The following TNFSF14 variants were observed in gnomAD, a reference collection of about 807,000 sequenced individuals.
The protein encoded by TNFSF14 is tumor necrosis factor ligand superfamily member 14.
TNFSF14 carries 15 observed loss-of-function variants against 22.7 expected under a neutral mutation model. The observed-to-expected ratio is 0.66, with a 90% CI of 0.44 to 1.02. The LOEUF is 1.02. Among genes scored for constraint, TNFSF14 ranks in the 50% least tolerant of loss-of-function variants. The pLI is 0.00. For missense variants in TNFSF14, 287 were observed against 326.2 expected (o/e 0.88, Z 0.93); for synonymous variants, 133 against 139.6 (o/e 0.95, Z 0.33).
chr19:6,667,500 C>T, intron 1 of TNFSF14, 51 bp from the exon 2 acceptor site: 4 of 1,559,426 alleles, frequency 2.6e-6, no homozygotes, highest in Non-Finnish European at 3.4e-6. Context: ...GGGGCCACGC[C>T]CTCGCATTGC....
intron 3 of TNFSF14, among the ~76,000 whole-genome samples, chr19:6,665,612 T>C (rs1323980558): frequency 6.6e-6 from 1 of 152,166 alleles, no homozygotes; most frequent in Non-Finnish European, 1.5e-5. Flanking sequence ...TTTTGCCATG[T>C]TGCTGAGGCT....
intron 1 of TNFSF14, among the ~76,000 whole-genome samples, chr19:6,669,349 G>A (rs1481678280): frequency 1.3e-5 from 2 of 152,148 alleles, no homozygotes; most frequent in African/African-American, 2.4e-5. Flanking sequence ...CAGGCGTGGT[G>A]GCGCATGCCT....
chr19:6,667,482 C>T (rs1338385137), intron 1 of TNFSF14, 33 bp from the exon 2 acceptor site: 5 of 1,570,982 alleles, frequency 3.2e-6, no homozygotes, highest in Non-Finnish European at 4.3e-6. Context: ...CGGTAAGAAC[C>T]TGCAGCGGGG....
At position 6,665,271 on chromosome 19, in the gene TNFSF14, G is replaced by A. The variant is rs139591896; in HGVS notation, c.378C>T (p.Leu126=). 2.5e-6 allele frequency: 4 copies of A among 1,613,566 alleles called. No individual in the cohort carries two copies. In the African/African-American group the frequency reaches 4.0e-5, roughly 16 times the overall value. Residue 126 remains leucine, a synonymous_variant, in exon 4 of 4, where the codon CTC becomes CTT. Coordinates refer to ENST00000675206, the MANE Select transcript of TNFSF14 (RefSeq NM_001376887.1). ...CCACAAGGGCCCCATCGTGGTAGCT[G>A]AGGCCCCTCAGGAAGGCCAGGCCCA... ...TQLGLAFLRG[L]SYHDGALVVT...
Position 6,664,848 on chromosome 19 carries a change from G to C in TNFSF14, c.*78C>G. ...AGCCACCACGCCCAGCCTCTGCTTCGTGAGTTTTCTTTCCCCTGAGGCACC... is the reference window on the plus strand; with the variant it reads ...AGCCACCACGCCCAGCCTCTGCTTCCTGAGTTTTCTTTCCCCTGAGGCACC... On this transcript the variant is annotated 3_prime_UTR_variant, in exon 4 of 4. Transcript: ENST00000675206. This position sits in a 1 kb window ranked among gnomAD's most constrained non-coding sequence, Gnocchi z 4.7. 6.7e-7 allele frequency: 1 copy of C among 1,497,652 alleles called. No homozygotes were observed. The allele number at this position is 1,497,652 out of a possible 1,614,324, so 92.8% of individuals were successfully genotyped here. A position where few individuals can be genotyped will look rare whatever the true frequency, so the allele number is the denominator to read the frequency against.
intron 2 of TNFSF14, 80 bp from the exon 3 acceptor site, chr19:6,667,234 C>A (rs1917457942): frequency 2.7e-6 from 4 of 1,464,302 alleles, no homozygotes; most frequent in Non-Finnish European, 3.6e-6. Flanking sequence ...CCGTGTACAC[C>A]TCCTGGAATC....
Position 6,665,021 on chromosome 19 carries a change from C to T in TNFSF14, c.628G>A (p.Glu210Lys). The change falls in exon 4 of 4, where the codon GAG becomes AAG. Residue 210 changes from glutamate (E) to lysine (K), a missense_variant. Coordinates refer to ENST00000675206, the MANE Select transcript of TNFSF14 (RefSeq NM_001376887.1). ...CGGACGACCACCTTCTCCCCAGCCT[C>T]CAGGTGTACCACACCACCCAGGAAG... Reference protein sequence around the residue: ...SSFLGGVVHLEAGEKVVVRVL... With the variant: ...SSFLGGVVHLKAGEKVVVRVL... 1 of 1,614,084 alleles carries T rather than the reference C, an allele frequency of 6.2e-7. No homozygotes were observed. Among genetic ancestry groups the T allele is most frequent in the Non-Finnish European group, 8.5e-7 (1 of 1,179,930 alleles).
rs751035935 is a variant in TNFSF14, at chr19:6,662,457, G to C, written c.*2469C>G. ...GATGGAAATTGCTGGAGGTCATATAGCTGGTGAGTGGCAGAGTGGACTCAG... is the reference window on the plus strand; with the variant it reads ...GATGGAAATTGCTGGAGGTCATATACCTGGTGAGTGGCAGAGTGGACTCAG... On this transcript the variant is annotated 3_prime_UTR_variant, in exon 4 of 4. Coordinates refer to ENST00000675206, the MANE Select transcript of TNFSF14 (RefSeq NM_001376887.1). 2.0e-5 allele frequency: 3 copies of C among 152,422 alleles called. No homozygotes were observed. The highest frequency in any genetic ancestry group is 4.4e-5 in the Non-Finnish European group (3 of 68,098). 9.4% of individuals were successfully genotyped at this position (152,422 alleles called of 1,614,324 possible). A position where few individuals can be genotyped will look rare whatever the true frequency, so the allele number is the denominator to read the frequency against.
At chr19:6,667,289 C>G in intron 2 of TNFSF14, 124 bp downstream of exon 2, 1 of 1,441,742 alleles carries the variant, frequency 6.9e-7, no homozygotes, top group Non-Finnish European at 9.2e-7. Flanking sequence ...CTTCTCAGGC[C>G]TGGGGGAGGG....
At chr19:6,666,580 C>G (rs1251025066) in intron 3 of TNFSF14, among the ~76,000 whole-genome samples, 2 of 152,046 alleles carry the variant, frequency 1.3e-5, no homozygotes, top group Non-Finnish European at 2.9e-5. Flanking sequence ...ACAGCATAAG[C>G]ACTATATGAG....
At position 6,665,285 on chromosome 19, in the gene TNFSF14, A is replaced by G; in HGVS notation, c.364T>C (p.Phe122Leu). The G allele has an allele frequency of 6.2e-7, 1 of 1,612,930 alleles. No homozygotes were observed. The highest frequency in any genetic ancestry group is 8.5e-7 in the Non-Finnish European group (1 of 1,179,694). The stretch of plus-strand genomic sequence containing the variant: ...TCGTGGTAGCTGAGGCCCCTCAGGA[A>G]GGCCAGGCCCAGCTGAGTCTCCCAT... ...LLWETQLGLA[F>L]LRGLSYHDGA... The change falls in exon 4 of 4, where the codon TTC (phenylalanine) becomes CTC (leucine). Residue 122 changes from phenylalanine to leucine, a missense_variant. Phe to Leu is a conservative substitution (Grantham distance 22). Coordinates refer to ENST00000675206, the MANE Select transcript of TNFSF14 (RefSeq NM_001376887.1).
chr19:6,669,786 A>G, intron 1 of TNFSF14, 65 bp downstream of exon 1: 2 of 1,582,438 alleles, frequency 1.3e-6, no homozygotes, highest in East Asian at 2.2e-5. Flanking sequence ...ACACACAGTG[A>G]CCCACAATGA....
intron 1 of TNFSF14, among the ~76,000 whole-genome samples, chr19:6,668,012 G>A (rs1422896626): frequency 6.6e-6 from 1 of 152,020 alleles, no homozygotes; most frequent in East Asian, 1.9e-4. Flanking sequence ...TCTAGCCTAG[G>A]TGACAGAGTG....
rs1181542993 is a variant in TNFSF14 at position 6,664,995 on chromosome 19, A to C, written c.654T>G (p.Arg218=). The C allele has an allele frequency of 6.2e-7, 1 of 1,613,486 alleles. No individual in the cohort carries two copies. Among genetic ancestry groups the C allele is most frequent in the Admixed American group, 1.7e-5 (1 of 59,970 alleles). The stretch of plus-strand genomic sequence containing the variant: ...GTCGAACCAGGCGTTCATCCAGCAC[A>C]CGGACGACCACCTTCTCCCCAGCCT... ...HLEAGEKVVV[R]VLDERLVRLR... Residue 218 remains arginine, a synonymous_variant, in exon 4 of 4, where the codon CGT becomes CGG. Coordinates refer to ENST00000675206, the MANE Select transcript of TNFSF14 (RefSeq NM_001376887.1). The surrounding 1 kb of genome is among the most constrained non-coding windows in gnomAD (Gnocchi z 4.7).
intron 1 of TNFSF14, among the ~76,000 whole-genome samples, chr19:6,668,126 CCAAAG>C (rs1917482409): frequency 6.6e-5 from 10 of 151,720 alleles, no homozygotes; most frequent in Middle Eastern, 3.5e-3. Context: ...CTTTGGGAGG[CCAAAG>C]TGGGAGGACA....
Position 6,663,438 on chromosome 19 carries a change from ATG to A in TNFSF14, c.*1486_*1487del, listed in dbSNP as rs1219618324. 2.1e-5 allele frequency: 3 copies of A among 142,338 alleles called. No homozygotes were observed. The highest frequency in any genetic ancestry group is 3.1e-5 in the Non-Finnish European group (2 of 64,900). The allele number at this position is 142,338 out of a possible 1,614,324, so 8.8% of individuals were successfully genotyped here. The stretch of plus-strand genomic sequence containing the variant: ...TTGTCATCGTGATGTTGTGTGTGTA[ATG>A]TGTGTTTGTCATTGTGATGTTGTGT... On this transcript the variant is annotated 3_prime_UTR_variant, in exon 4 of 4. Coordinates refer to ENST00000675206, the MANE Select transcript of TNFSF14 (RefSeq NM_001376887.1).
rs753819110 is a variant in TNFSF14, at chr19:6,669,932, C to T, written c.138G>A (p.Leu46=). The change falls in exon 1 of 4, where the codon CTG becomes CTA. Residue 46 remains leucine (L), a synonymous_variant. Transcript: ENST00000675206. ...CTTGGACGGCCAGCCCGGCCCCCAT[C>T]AGCAACAGCAAGAGACCCAGACCCA... is the stretch of plus-strand genomic sequence containing the variant. ...ARVGLGLLLL[L]MGAGLAVQGW... is the part of the protein sequence containing the mutation. The T allele has an allele frequency of 3.1e-6, 5 of 1,614,054 alleles. No homozygotes were observed. In the Middle Eastern group the frequency reaches 4.9e-4, roughly 160 times the overall value.
intron 1 of TNFSF14, 114 bp downstream of exon 1, chr19:6,669,737 T>TAC (rs34381198): frequency 0.016 from 19,404 of 1,229,522 alleles, 99 homozygotes; most frequent in African/African-American, 0.064. Flanking sequence ...TGCCCTGTCC[T>TAC]ACACACACAC....
Position 6,665,253 on chromosome 19 carries a change from G to A in TNFSF14, c.396C>T (p.Ala132=), listed in dbSNP as rs1209807566. Residue 132 remains alanine (A), a synonymous_variant, in exon 4 of 4, where the codon GCC becomes GCT. Coordinates refer to ENST00000675206, the MANE Select transcript of TNFSF14 (RefSeq NM_001376887.1). The part of the protein sequence containing the change: ...FLRGLSYHDG[A]LVVTKAGYYY... ...AGTAGCCAGCTTTGGTGACCACAAGGGCCCCATCGTGGTAGCTGAGGCCCC... is the reference window on the plus strand; with the variant it reads ...AGTAGCCAGCTTTGGTGACCACAAGAGCCCCATCGTGGTAGCTGAGGCCCC... 12 of 1,614,018 alleles carry A rather than the reference G, an allele frequency of 7.4e-6. No homozygotes were observed. Among genetic ancestry groups the A allele is most frequent in the Non-Finnish European group, 1.0e-5 (12 of 1,180,028 alleles).
Sources: gnomAD v4.1 joint callset for allele counts (sites outside exome capture counted in the v4.1 genomes callset) on GRCh38, gnomAD v4.1.1 for gene constraint, Gnocchi (gnomAD v3.1) non-coding constraint, MANE v1.5 for transcripts, NCBI Gene and HGNC (gene_info 2026-07-23, HGNC 2026-07-21) for gene names.